THSD7B: variants seen among roughly 807,000 people sequenced by gnomAD.
THSD7B encodes thrombospondin type 1 domain containing 7B.
A neutral mutation model predicts 213.6 loss-of-function variants in THSD7B; 138 were observed. The observed-to-expected ratio is 0.65, with a 90% CI of 0.56 to 0.74. The LOEUF (loss-of-function observed/expected upper bound fraction) is 0.74. Ranked by LOEUF, THSD7B falls within the 30% of genes least tolerant of loss-of-function variation. THSD7B has a pLI of 0.00. For missense variants in THSD7B, 1,931 were observed against 1,991.5 expected, an observed-to-expected ratio of 0.97 and a Z score of 0.58; for synonymous variants, 742 against 687.0, an observed-to-expected ratio of 1.08 and a Z score of -1.25.
At chr2:137,282,318 G>A (rs181949358) in intron 12 of THSD7B, among the ~76,000 whole-genome samples, 1,654 of 152,136 alleles carry the variant, frequency 0.011, 23 homozygotes, top group African/African-American at 0.037. Flanking sequence ...TTTGTCAGAT[G>A]AGTAGGTTGC....
chr2:137,608,096 C>G (rs934460131), intron 17 of THSD7B, among the ~76,000 whole-genome samples: 5 of 152,204 alleles, frequency 3.3e-5, no homozygotes, highest in African/African-American at 1.2e-4. Context: ...CCAATTAACT[C>G]TAAATCTGAC....
rs180881414 is a variant in THSD7B, at chr2:137,365,085, C to A, written c.2501-40528C>A. On this transcript the variant is annotated intron_variant, in intron 12 of 27. Transcript: ENST00000409968. Reference sequence around the variant, plus strand: ...AGAACAGAGGCCTCAGAAATAACACCACACACCTACAGCCATATGATCTTT... The same window carrying A: ...AGAACAGAGGCCTCAGAAATAACACAACACACCTACAGCCATATGATCTTT... Among the ~76,000 whole-genome samples, 597 of 152,252 alleles carry A rather than the reference C, an allele frequency of 3.9e-3. 5 individuals carry two copies. Among genetic ancestry groups the A allele is most frequent in the Non-Finnish European group, 3.7e-3 (250 of 68,002 alleles).
intron 2 of THSD7B, among the ~76,000 whole-genome samples, chr2:136,952,509 C>T (rs1168642335): frequency 7.0e-6 from 1 of 143,192 alleles, no homozygotes; most frequent in African/African-American, 2.6e-5. Context: ...GATTTAATCT[C>T]AAACTCGCTC....
chr2:137,381,933 A>G (rs1685785534), intron 12 of THSD7B, among the ~76,000 whole-genome samples: 1 of 152,166 alleles, frequency 6.6e-6, no homozygotes, highest in Non-Finnish European at 1.5e-5. Flanking sequence ...ACTGGAGGCC[A>G]CATGTGAAAT....
chr2:137,436,515 T>C (rs1025749436), intron 14 of THSD7B, among the ~76,000 whole-genome samples: 1 of 152,140 alleles, frequency 6.6e-6, no homozygotes, highest in Admixed American at 6.6e-5. Flanking sequence ...TGTAGATTAG[T>C]TTTTATTTGG....
At chr2:137,192,763 T>C (rs1680683204) in intron 7 of THSD7B, among the ~76,000 whole-genome samples, 1 of 152,192 alleles carries the variant, frequency 6.6e-6, no homozygotes, top group East Asian at 1.9e-4. Flanking sequence ...AAATTAAATA[T>C]ATACAGGAAA....
Position 137,221,319 on chromosome 2 carries a change from G to T in THSD7B, c.1724-9725G>T, listed in dbSNP as rs116133602. Among the ~76,000 whole-genome samples, 458 of 152,052 alleles carry T rather than the reference G, an allele frequency of 3.0e-3. 3 individuals are homozygous for T. The highest frequency in any genetic ancestry group is 0.01 in the African/African-American group (435 of 41,490). On this transcript the variant is annotated intron_variant, in intron 7 of 27. Coordinates refer to ENST00000409968, the MANE Select transcript of THSD7B (RefSeq NM_001316349.2). ...ACAAAAACAAAAACAAAAACAAAAA[G>T]TTAGAACTGATGGGGAGGGATTGAC...
intron 17 of THSD7B, among the ~76,000 whole-genome samples, chr2:137,608,439 C>G (rs1380362496): frequency 6.6e-6 from 1 of 151,770 alleles, no homozygotes; most frequent in Non-Finnish European, 1.5e-5. Flanking sequence ...GTAACAGTTA[C>G]TGAGGAGCAA....
At chr2:137,622,382 A>G (rs919896125) in intron 20 of THSD7B, among the ~76,000 whole-genome samples, 1 of 152,160 alleles carries the variant, frequency 6.6e-6, no homozygotes, top group African/African-American at 2.4e-5. Flanking sequence ...AAAACAAGTT[A>G]TTTGCTTCCA....
At chr2:137,596,694 T>C (rs1280490298) in intron 17 of THSD7B, among the ~76,000 whole-genome samples, 1 of 151,896 alleles carries the variant, frequency 6.6e-6, no homozygotes, top group Non-Finnish European at 1.5e-5. Context: ...TTTCACCCTC[T>C]TTTTTTCTCC....
chr2:137,059,815 G>A (rs1453765481), intron 3 of THSD7B, among the ~76,000 whole-genome samples: 1 of 152,060 alleles, frequency 6.6e-6, no homozygotes, highest in Non-Finnish European at 1.5e-5. Context: ...TGGCAATTTT[G>A]AATAAAGCTG....
chr2:136,816,236 C>G (rs1233158725), intron 1 of THSD7B, among the ~76,000 whole-genome samples: 1 of 152,048 alleles, frequency 6.6e-6, no homozygotes, highest in Non-Finnish European at 1.5e-5. Context: ...GTTTGTTTGC[C>G]CCATTCTTTT....
chr2:137,507,863 C>G (rs980346205), intron 15 of THSD7B, among the ~76,000 whole-genome samples: 3 of 152,016 alleles, frequency 2.0e-5, no homozygotes, highest in Admixed American at 6.6e-5. Flanking sequence ...ATGATTTGGG[C>G]TAAAATAATT....
At chr2:137,298,226 G>C (rs1683513986) in intron 12 of THSD7B, among the ~76,000 whole-genome samples, 2 of 152,124 alleles carry the variant, frequency 1.3e-5, no homozygotes, top group South Asian at 4.2e-4. Context: ...CAAAGAGATT[G>C]GTGGCATTTT....
chr2:136,781,376 T>G (rs1444809814), intron 1 of THSD7B, among the ~76,000 whole-genome samples: 1 of 151,340 alleles, frequency 6.6e-6, no homozygotes, highest in Non-Finnish European at 1.5e-5. Flanking sequence ...GAGATTCTCC[T>G]GCCTCAGCCT....
At chr2:137,279,891 A>G (rs942905874) in intron 12 of THSD7B, among the ~76,000 whole-genome samples, 8 of 152,200 alleles carry the variant, frequency 5.3e-5, no homozygotes, top group African/African-American at 1.9e-4. Flanking sequence ...AGCCTTTATC[A>G]ATTTGGAAAA....
intron 21 of THSD7B, among the ~76,000 whole-genome samples, chr2:137,651,657 T>A (rs376626755): frequency 7.2e-5 from 11 of 152,112 alleles, no homozygotes; most frequent in East Asian, 5.8e-4. Context: ...ATTAAATTAT[T>A]TGAATTCTTT....
intron 10 of THSD7B, among the ~76,000 whole-genome samples, chr2:137,245,444 T>C (rs927190691): frequency 3.0e-4 from 46 of 152,154 alleles, no homozygotes; most frequent in Non-Finnish European, 2.1e-4. Flanking sequence ...CTCCATTCTC[T>C]TCAGCTGCCC....
chr2:137,601,670 G>T (rs1003761803), intron 17 of THSD7B, among the ~76,000 whole-genome samples: 1 of 152,084 alleles, frequency 6.6e-6, no homozygotes, highest in Non-Finnish European at 1.5e-5. Context: ...CTAAGTAAAA[G>T]GAATTTTTAA....
Sources: allele counts gnomAD v4.1 joint callset (sites outside exome capture counted in the v4.1 genomes callset), GRCh38; gene constraint gnomAD v4.1.1; transcripts MANE v1.5; gene names NCBI Gene and HGNC (gene_info 2026-07-23, HGNC 2026-07-21).